NINJ2: variants seen among roughly 807,000 people sequenced by gnomAD.
NINJ2 encodes ninjurin 2, also known as ninjurin-2.
NINJ2 carries 12 observed loss-of-function variants against 11.7 expected under a neutral mutation model. The ratio of observed to expected loss-of-function variants is 1.02; its 90% CI spans 0.66 to 1.66. The LOEUF is 1.66. Among genes scored for constraint, NINJ2 ranks in the 40% most tolerant of loss-of-function variants. NINJ2 has a pLI of 0.00. For missense variants in NINJ2, 187 were observed against 181.8 expected (o/e 1.03, Z -0.16); for synonymous variants, 93 against 76.8 (o/e 1.21, Z -1.10).
At chr12:655,650 C>T (rs888412662) in intron 1 of NINJ2, among the ~76,000 whole-genome samples, 4 of 152,176 alleles carry the variant, frequency 2.6e-5, no homozygotes, top group South Asian at 2.1e-4. Flanking sequence ...CGGTGGCTCA[C>T]GTCTGTAATC....
intron 1 of NINJ2, among the ~76,000 whole-genome samples, chr12:650,683 A>G (rs1005284001): frequency 2.6e-5 from 4 of 152,190 alleles, no homozygotes; most frequent in Admixed American, 1.3e-4. Flanking sequence ...TGGGCAACAC[A>G]GTGAGACTCA....
At chr12:612,104 A>G (rs1213411951) in intron 1 of NINJ2, among the ~76,000 whole-genome samples, 2 of 152,200 alleles carry the variant, frequency 1.3e-5, no homozygotes, top group Non-Finnish European at 2.9e-5. Context: ...ATCTTCAATC[A>G]TGTGTATAAG....
chr12:592,569 G>A (rs905704831), intron 1 of NINJ2, among the ~76,000 whole-genome samples: 9 of 152,128 alleles, frequency 5.9e-5, no homozygotes, highest in South Asian at 2.1e-4. Flanking sequence ...GCGAGGTGGC[G>A]CATGCCTGTA....
At chr12:645,042 C>T (rs1937653771) in intron 1 of NINJ2, 1 of 152,178 alleles carries the variant, frequency 6.6e-6, no homozygotes, top group Non-Finnish European at 1.5e-5. Context: ...GCGAGACAAT[C>T]TCTCTTTAGT....
At chr12:566,712 C>T (rs554341495) in intron 1 of NINJ2, among the ~76,000 whole-genome samples, 50 of 152,338 alleles carry the variant, frequency 3.3e-4, no homozygotes, top group African/African-American at 1.2e-3. Flanking sequence ...CTGGAGCTGC[C>T]GCCCTGCTCA....
At position 581,771 on chromosome 12, in the gene NINJ2, C is replaced by G. The variant is rs1056576421; in HGVS notation, c.34-15593G>C. ...TCGTCTGTAGAAAGAGGAGACACCC[C>G]TTCCTCCTCGTGGTGAGAAGCTAGT... On this transcript the variant is annotated intron_variant, in intron 1 of 3. Transcript: ENST00000305108. This position sits in a 1 kb window ranked among gnomAD's most constrained non-coding sequence, Gnocchi z 4.9. Among the ~76,000 whole-genome samples the G allele has an allele frequency of 1.3e-5, 2 of 152,192 alleles. No homozygotes were observed. The highest frequency in any genetic ancestry group is 4.8e-5 in the African/African-American group (2 of 41,438).
At chr12:623,818 G>A (rs902139104) in intron 1 of NINJ2, among the ~76,000 whole-genome samples, 3 of 152,214 alleles carry the variant, frequency 2.0e-5, no homozygotes, top group Non-Finnish European at 4.4e-5. Flanking sequence ...AGGATCGCTT[G>A]AGCCCAGGAG....
chr12:577,422 T>TAC (rs1947475580), intron 1 of NINJ2, among the ~76,000 whole-genome samples: 1 of 137,896 alleles, frequency 7.3e-6, no homozygotes, highest in Non-Finnish European at 1.6e-5. Flanking sequence ...GTCTCATATA[T>TAC]ATATATACAT....
intron 1 of NINJ2, among the ~76,000 whole-genome samples, chr12:650,229 C>T (rs983825028): frequency 2.0e-5 from 3 of 151,966 alleles, no homozygotes; most frequent in East Asian, 1.9e-4. Flanking sequence ...GGATTACAGG[C>T]GCTCACCACC....
At chr12:625,860 A>G (rs538646872) in intron 1 of NINJ2, among the ~76,000 whole-genome samples, 23 of 152,364 alleles carry the variant, frequency 1.5e-4, no homozygotes, top group Non-Finnish European at 3.2e-4. Context: ...TCATTATCCT[A>G]TGACTCATCT....
rs77165475 is a variant in NINJ2 at position 571,491 on chromosome 12, G to A, written c.34-5313C>T. Among the ~76,000 whole-genome samples, 9 of 152,346 alleles carry A rather than the reference G, an allele frequency of 5.9e-5. No homozygotes were observed. The East Asian group carries it at 1.5e-3, about 26-fold the overall frequency. ...AGACCCAGCGGTTTGCCCCATTCCTGGGCCTGCCCGGCACAGTCATTACCC... is the reference window on the plus strand; with the variant it reads ...AGACCCAGCGGTTTGCCCCATTCCTAGGCCTGCCCGGCACAGTCATTACCC... On this transcript the variant is annotated intron_variant, in intron 1 of 3. Transcript: ENST00000305108.
At chr12:629,865 C>T (rs1473857383) in intron 1 of NINJ2, among the ~76,000 whole-genome samples, 8 of 36,592 alleles carry the variant, frequency 2.2e-4, no homozygotes, top group Admixed American at 7.6e-4. Flanking sequence ...CCAGCCTCGG[C>T]GACAAGAGCA....
At chr12:639,308 C>T (rs1373963474) in intron 1 of NINJ2, among the ~76,000 whole-genome samples, 1 of 152,128 alleles carries the variant, frequency 6.6e-6, no homozygotes, top group Non-Finnish European at 1.5e-5. Context: ...TAGTGCTTTA[C>T]ATGAATTAAC....
rs1161700964 is a variant in NINJ2, at chr12:591,130, C to T, written c.34-24952G>A. The T allele has an allele frequency of 6.6e-6, 1 of 152,324 alleles. No homozygotes were observed. Among genetic ancestry groups the T allele is most frequent in the Non-Finnish European group, 1.5e-5 (1 of 68,110 alleles). The allele number at this position is 152,324 out of a possible 1,614,324, so 9.4% of individuals were successfully genotyped here. A position where few individuals can be genotyped will look rare whatever the true frequency, so the allele number is the denominator to read the frequency against. On this transcript the variant is annotated intron_variant, in intron 1 of 3. Coordinates refer to ENST00000305108, the MANE Select transcript of NINJ2 (RefSeq NM_016533.6). The surrounding 1 kb of genome is among the most constrained non-coding windows in gnomAD (Gnocchi z 5.0). ...AAGAAGTTCAGCGAGAGTGGTGCCT[C>T]TTTTCAAAATGGTATGACAGTCCCT...
chr12:575,875 C>T (rs1947450602), intron 1 of NINJ2, among the ~76,000 whole-genome samples: 1 of 152,142 alleles, frequency 6.6e-6, no homozygotes, highest in South Asian at 2.1e-4. Context: ...CCTTTTTCCC[C>T]TAGATCCTGC....
At chr12:610,612 G>A (rs1160730531) in intron 1 of NINJ2, 10 of 985,382 alleles carry the variant, frequency 1.0e-5, no homozygotes, top group Middle Eastern at 5.2e-4. Context: ...CACAGGAGGG[G>A]GTTACCAGGC....
intron 1 of NINJ2, among the ~76,000 whole-genome samples, chr12:575,779 G>A (rs1947448339): frequency 6.6e-6 from 1 of 152,216 alleles, no homozygotes; most frequent in African/African-American, 2.4e-5. Context: ...TTAAGGGTGG[G>A]GCTTCAGGCA....
At chr12:589,276 G>C (rs1947686221) in intron 1 of NINJ2, among the ~76,000 whole-genome samples, 1 of 152,148 alleles carries the variant, frequency 6.6e-6, no homozygotes, top group South Asian at 2.1e-4. Context: ...AAAACAAAAA[G>C]AATGAGGTAG....
chr12:605,892 A>G lies in NINJ2; in HGVS notation c.34-39714T>C, dbSNP rs533560604. ...AATATACACAGAAAGCCTACATGAA[A>G]GATGGAGACCAAAATAAAGAAATAA... On this transcript the variant is annotated intron_variant, in intron 1 of 3. Coordinates refer to ENST00000305108, the MANE Select transcript of NINJ2 (RefSeq NM_016533.6). Among the ~76,000 whole-genome samples, 133 of 152,378 alleles carry G rather than the reference A, an allele frequency of 8.7e-4. 1 individual carries two copies. Among genetic ancestry groups the G allele is most frequent in the African/African-American group, 3.0e-3 (126 of 41,596 alleles).
Sources: allele counts gnomAD v4.1 joint callset (sites outside exome capture counted in the v4.1 genomes callset), GRCh38; gene constraint gnomAD v4.1.1; non-coding constraint Gnocchi (gnomAD v3.1); transcripts MANE v1.5; gene names NCBI Gene and HGNC (gene_info 2026-07-23, HGNC 2026-07-21).